The following PRR30 variants were observed in gnomAD, a reference collection of about 807,000 sequenced individuals.
The protein encoded by PRR30 is proline-rich protein 30.
For missense variants in PRR30, 546 were observed against 525.3 expected, an observed-to-expected ratio of 1.04 and a Z score of -0.39; for synonymous variants, 229 against 222.7, an observed-to-expected ratio of 1.03 and a Z score of -0.25.
chr2:27,137,764 G>A lies in PRR30; in HGVS notation c.566C>T (p.Pro189Leu). ...TGGCACGCATCTCTCCACCACTCCA[G>A]GGGACCCGGACCCAGTGTCCCTGTA... ...HQYRDTGSGSPGVVERCVPSE... is the reference protein window; with the variant it reads ...HQYRDTGSGSLGVVERCVPSE... The change falls in exon 3 of 3, where the codon CCT becomes CTT. Residue 189 changes from proline (P) to leucine (L), a missense_variant. Coordinates refer to ENST00000335524, the MANE Select transcript of PRR30 (RefSeq NM_178553.4). This position sits in a 1 kb window ranked among gnomAD's most constrained non-coding sequence, Gnocchi z 4.3. The A allele has an allele frequency of 6.2e-7, 1 of 1,613,652 alleles. No homozygotes were observed. The highest frequency in any genetic ancestry group is 1.3e-5 in the African/African-American group (1 of 75,052).
Position 27,137,188 on chromosome 2 carries a change from G to T in PRR30, c.1142C>A (p.Ala381Glu). ...CAGGGAGGTAGTGACCTGTTTTGGT[G>T]CCCGAGGTGGAGGCCCGGAGAAACA... ...PRCFSGPPPR[A>E]PKQVTTSLKP... The change falls in exon 3 of 3, where the codon GCA (alanine) becomes GAA (glutamate). Residue 381 changes from alanine (A) to glutamate (E), a missense_variant. Transcript: ENST00000335524. This position sits in a 1 kb window ranked among gnomAD's most constrained non-coding sequence, Gnocchi z 4.3. The T allele has an allele frequency of 1.2e-6, 2 of 1,614,216 alleles. No individual in the cohort carries two copies. The highest frequency in any genetic ancestry group is 1.7e-6 in the Non-Finnish European group (2 of 1,180,028).
At position 27,138,647 on chromosome 2, in the gene PRR30, G is replaced by A. The variant is rs1672557098; in HGVS notation, c.-318C>T. 2 of 344,722 alleles carry A rather than the reference G, an allele frequency of 5.8e-6. No individual in the cohort carries two copies. Among genetic ancestry groups the A allele is most frequent in the Non-Finnish European group, 5.5e-6 (1 of 181,902 alleles). 21.4% of individuals were successfully genotyped at this position (344,722 alleles called of 1,614,324 possible). ...GCTGCATCTTGGGAGTGGAGGGGCA[G>A]CAGCGATTATCTGGGTGGGGCAGAG... On this transcript the variant is annotated 5_prime_UTR_variant, in exon 3 of 3. Transcript: ENST00000335524.
rs1672539937 is a variant in PRR30, at chr2:27,137,686, A to G, written c.644T>C (p.Leu215Pro). Residue 215 changes from leucine to proline, a missense_variant, in exon 3 of 3, where the codon CTG becomes CCG. By Grantham distance (98) the Leu-to-Pro change is moderately conservative. Transcript: ENST00000335524. This position sits in a 1 kb window ranked among gnomAD's most constrained non-coding sequence, Gnocchi z 4.3. ...FRDPGALAQA[L>P]VVQLGHRRIA... ...GCGGCGGTGCCCCAGCTGGACCACC[A>G]GGGCCTGGGCCAGGGCCCCTGGGTC... 4 of 1,613,308 alleles carry G rather than the reference A, an allele frequency of 2.5e-6. No homozygotes were observed. Among genetic ancestry groups the G allele is most frequent in the Middle Eastern group, 3.3e-4 (2 of 6,062 alleles).
In PRR30 at chr2:27,138,218, G is replaced by C; in HGVS notation, c.112C>G (p.Leu38Val). Residue 38 changes from leucine to valine, a missense_variant, in exon 3 of 3, where the codon CTC becomes GTC. Leu to Val is a conservative substitution (Grantham distance 32, BLOSUM62 1). Coordinates refer to ENST00000335524, the MANE Select transcript of PRR30 (RefSeq NM_178553.4). ...VDSSPHNLQPLSPHQGLPPSQ... is the reference protein window; with the variant it reads ...VDSSPHNLQPVSPHQGLPPSQ... ...GGAGGGAGGCCCTGATGGGGAGAGA[G>C]AGGCTGTAGGTTGTGAGGAGAGGAG... 6.2e-7 allele frequency: 1 copy of C among 1,613,990 alleles called. No homozygotes were observed.
In PRR30 at chr2:27,136,981, T is replaced by C; in HGVS notation, c.*110A>G. 1 of 1,429,268 alleles carries C rather than the reference T, an allele frequency of 7.0e-7. No homozygotes were observed. The highest frequency in any genetic ancestry group is 9.3e-7 in the Non-Finnish European group (1 of 1,079,588). 88.5% of individuals were successfully genotyped at this position (1,429,268 alleles called of 1,614,324 possible). On this transcript the variant is annotated 3_prime_UTR_variant, in exon 3 of 3. Transcript: ENST00000335524. ...TCAGAGCAGGAGAACACACCTGACC[T>C]CCGGCCAGCCAGCCCTTCAGGGTGT...
In PRR30 at chr2:27,136,855, G is replaced by A; in HGVS notation, c.*236C>T. 2 of 610,432 alleles carry A rather than the reference G, an allele frequency of 3.3e-6. No individual in the cohort carries two copies. The highest frequency in any genetic ancestry group is 2.8e-5 in the East Asian group (1 of 36,294). 37.8% of individuals were successfully genotyped at this position (610,432 alleles called of 1,614,324 possible). A position where few individuals can be genotyped will look rare whatever the true frequency, so the allele number is the denominator to read the frequency against. ...GCAGGACGCAAACACAAGTTTCACAGGGTCAGACTTTATTAGATACACGGA... is the reference window on the plus strand; with the variant it reads ...GCAGGACGCAAACACAAGTTTCACAAGGTCAGACTTTATTAGATACACGGA... On this transcript the variant is annotated 3_prime_UTR_variant, in exon 3 of 3. Coordinates refer to ENST00000335524, the MANE Select transcript of PRR30 (RefSeq NM_178553.4).
In PRR30 at chr2:27,137,530, C is replaced by G. The variant is rs779113204; in HGVS notation, c.800G>C (p.Arg267Thr). 6.3e-7 allele frequency: 1 copy of G among 1,591,086 alleles called. No homozygotes were observed. The highest frequency in any genetic ancestry group is 1.3e-5 in the African/African-American group (1 of 74,506). The change falls in exon 3 of 3, where the codon AGG (arginine) becomes ACG (threonine). Residue 267 changes from arginine (R) to threonine (T), a missense_variant. By Grantham distance (71) the Arg-to-Thr change is moderately conservative. Coordinates refer to ENST00000335524, the MANE Select transcript of PRR30 (RefSeq NM_178553.4). This position sits in a 1 kb window ranked among gnomAD's most constrained non-coding sequence, Gnocchi z 4.3. ...AAGCAGCCGGGGTCCAGTCCTGTAC[C>G]TGGGGAGGGGGCAGGAGGGGCTGCG... ...RPRSPSCPLP[R>T]YRTGPRLLAF...
chr2:27,137,383 T>C lies in PRR30; in HGVS notation c.947A>G (p.Lys316Arg). ...CTGAGGCCCTGCTTCCTTCGGCCTT[T>C]TCTCGGGCAGCAGATGCAAGGCCCT... ...QARALHLLPE[K>R]RPKEAGPQGK... is the part of the protein sequence containing the mutation. The change falls in exon 3 of 3, where the codon AAA becomes AGA. Residue 316 changes from lysine to arginine, a missense_variant. Lys to Arg is a conservative substitution (Grantham distance 26). Transcript: ENST00000335524. The surrounding 1 kb of genome is among the most constrained non-coding windows in gnomAD (Gnocchi z 4.3). 1 of 1,613,970 alleles carries C rather than the reference T, an allele frequency of 6.2e-7. No homozygotes were observed. The highest frequency in any genetic ancestry group is 1.1e-5 in the South Asian group (1 of 91,076).
chr2:27,138,632 G>A lies in PRR30; in HGVS notation c.-303C>T. The A allele has an allele frequency of 2.7e-6, 1 of 369,542 alleles. No homozygotes were observed. The highest frequency in any genetic ancestry group is 5.0e-6 in the Non-Finnish European group (1 of 198,980). 22.9% of individuals were successfully genotyped at this position (369,542 alleles called of 1,614,324 possible). A position where few individuals can be genotyped will look rare whatever the true frequency, so the allele number is the denominator to read the frequency against. On this transcript the variant is annotated 5_prime_UTR_variant, in exon 3 of 3. Coordinates refer to ENST00000335524, the MANE Select transcript of PRR30 (RefSeq NM_178553.4). ...GGATGGAGAATCACAGCTGCATCTTGGGAGTGGAGGGGCAGCAGCGATTAT... is the reference window on the plus strand; with the variant it reads ...GGATGGAGAATCACAGCTGCATCTTAGGAGTGGAGGGGCAGCAGCGATTAT...
Position 27,138,047 on chromosome 2 carries a change from G to A in PRR30, c.283C>T (p.Pro95Ser). 6.2e-7 allele frequency: 1 copy of A among 1,613,998 alleles called. No individual in the cohort carries two copies. Among genetic ancestry groups the A allele is most frequent in the Non-Finnish European group, 8.5e-7 (1 of 1,180,004 alleles). The change falls in exon 3 of 3, where the codon CCT becomes TCT. Residue 95 changes from proline to serine, a missense_variant. Physicochemically the swap from Pro to Ser is moderately conservative, Grantham distance 74. Transcript: ENST00000335524. ...AGGTAGTTCTGGTGAAAGAAAGTAG[G>A]GGAACTTGGGAGAGAGGGAGAATAG... is the stretch of plus-strand genomic sequence containing the variant. The part of the protein sequence containing the change: ...HPYSPSLPSS[P>S]TFFHQNYLSL...
Position 27,136,947 on chromosome 2 carries a change from T to G in PRR30, c.*144A>C. The G allele has an allele frequency of 8.4e-7, 1 of 1,193,954 alleles. No homozygotes were observed. Among genetic ancestry groups the G allele is most frequent in the Non-Finnish European group, 1.1e-6 (1 of 877,776 alleles). 74.0% of individuals were successfully genotyped at this position (1,193,954 alleles called of 1,614,324 possible). A position where few individuals can be genotyped will look rare whatever the true frequency, so the allele number is the denominator to read the frequency against. ...GGAGACAGCAGACTCCACAAGGGGC[T>G]CCCAGGGTTCAGAGCAGGAGAACAC... is the stretch of plus-strand genomic sequence containing the variant. On this transcript the variant is annotated 3_prime_UTR_variant, in exon 3 of 3. Coordinates refer to ENST00000335524, the MANE Select transcript of PRR30 (RefSeq NM_178553.4).
rs935308761 is a variant in PRR30 at position 27,137,886 on chromosome 2, G to T, written c.444C>A (p.His148Gln). The T allele has an allele frequency of 1.3e-6, 2 of 1,599,854 alleles. No individual in the cohort carries two copies. The highest frequency in any genetic ancestry group is 2.2e-5 in the East Asian group (1 of 44,718). ...LPHSPCQSPS[H>Q]PEELHSSTLT... The stretch of plus-strand genomic sequence containing the variant: ...GTGTGGAGCTATGCAGTTCCTCGGG[G>T]TGGGAAGGGGACTGGCAAGGTGAGT... The change falls in exon 3 of 3, where the codon CAC becomes CAA. Residue 148 changes from histidine (H) to glutamine (Q), a missense_variant. By Grantham distance (24) the His-to-Gln change is conservative. Coordinates refer to ENST00000335524, the MANE Select transcript of PRR30 (RefSeq NM_178553.4). The surrounding 1 kb of genome is among the most constrained non-coding windows in gnomAD (Gnocchi z 4.3).
Position 27,136,980 on chromosome 2 carries a change from C to T in PRR30, c.*111G>A. The T allele has an allele frequency of 7.0e-7, 1 of 1,425,948 alleles. No individual in the cohort carries two copies. The highest frequency in any genetic ancestry group is 9.3e-7 in the Non-Finnish European group (1 of 1,076,866). The allele number at this position is 1,425,948 out of a possible 1,614,324, so 88.3% of individuals were successfully genotyped here. A position where few individuals can be genotyped will look rare whatever the true frequency, so the allele number is the denominator to read the frequency against. ...TTCAGAGCAGGAGAACACACCTGAC[C>T]TCCGGCCAGCCAGCCCTTCAGGGTG... On this transcript the variant is annotated 3_prime_UTR_variant, in exon 3 of 3. Coordinates refer to ENST00000335524, the MANE Select transcript of PRR30 (RefSeq NM_178553.4).
chr2:27,137,286 G>A lies in PRR30; in HGVS notation c.1044C>T (p.Asp348=). Residue 348 remains aspartate (D), a synonymous_variant, in exon 3 of 3, where the codon GAC becomes GAT. Transcript: ENST00000335524. The surrounding 1 kb of genome is among the most constrained non-coding windows in gnomAD (Gnocchi z 4.3). The part of the protein sequence containing the change: ...SQPPAAQARA[D]PVPGTPSQTR... ...TCTGGGAGGGTGTGCCTGGGACTGG[G>A]TCGGCCCGGGCCTGAGCTGCTGGAG... The A allele has an allele frequency of 6.2e-7, 1 of 1,614,222 alleles. No homozygotes were observed. The highest frequency in any genetic ancestry group is 1.1e-5 in the South Asian group (1 of 91,080).
chr2:27,136,984 G>C lies in PRR30; in HGVS notation c.*107C>G. The C allele has an allele frequency of 6.9e-7, 1 of 1,439,582 alleles. No homozygotes were observed. The highest frequency in any genetic ancestry group is 9.2e-7 in the Non-Finnish European group (1 of 1,087,412). The allele number at this position is 1,439,582 out of a possible 1,614,324, so 89.2% of individuals were successfully genotyped here. Reference sequence around the variant, plus strand: ...GAGCAGGAGAACACACCTGACCTCCGGCCAGCCAGCCCTTCAGGGTGTCTC... The same window carrying C: ...GAGCAGGAGAACACACCTGACCTCCCGCCAGCCAGCCCTTCAGGGTGTCTC... On this transcript the variant is annotated 3_prime_UTR_variant, in exon 3 of 3. Coordinates refer to ENST00000335524, the MANE Select transcript of PRR30 (RefSeq NM_178553.4).
At position 27,137,477 on chromosome 2, in the gene PRR30, G is replaced by T. The variant is rs370649888; in HGVS notation, c.853C>A (p.Gln285Lys). The T allele has an allele frequency of 3.9e-5, 63 of 1,609,002 alleles. No homozygotes were observed. The highest frequency in any genetic ancestry group is 5.3e-5 in the Non-Finnish European group (63 of 1,177,698). Reference sequence around the variant, plus strand: ...CGGAGTGGCCCAGATTCCTGGCCCTGCACACAGGGCAGTAGTTGAGGGAAA... The same window carrying T: ...CGGAGTGGCCCAGATTCCTGGCCCTTCACACAGGGCAGTAGTTGAGGGAAA... ...LAFPQLLPCV[Q>K]GQESGPLRIG... is the part of the protein sequence containing the mutation. The change falls in exon 3 of 3, where the codon CAG (glutamine) becomes AAG (lysine). Residue 285 changes from glutamine (Q) to lysine (K), a missense_variant. Transcript: ENST00000335524. This position sits in a 1 kb window ranked among gnomAD's most constrained non-coding sequence, Gnocchi z 4.3.
rs757267683 is a variant in PRR30, at chr2:27,137,906, G to A, written c.424C>T (p.Pro142Ser). 5.0e-6 allele frequency: 8 copies of A among 1,606,974 alleles called. No homozygotes were observed. Among genetic ancestry groups the A allele is most frequent in the Non-Finnish European group, 6.0e-6 (7 of 1,175,900 alleles). The change falls in exon 3 of 3, where the codon CCT becomes TCT. Residue 142 changes from proline to serine, a missense_variant. Pro to Ser is a moderately conservative substitution (Grantham distance 74, BLOSUM62 -1). Coordinates refer to ENST00000335524, the MANE Select transcript of PRR30 (RefSeq NM_178553.4). This position sits in a 1 kb window ranked among gnomAD's most constrained non-coding sequence, Gnocchi z 4.3. ...TCGGGGTGGGAAGGGGACTGGCAAG[G>A]TGAGTGGGGAAGGGAGGAGTTCTGA... ...QPQNSSLPHS[P>S]CQSPSHPEEL... is the part of the protein sequence containing the mutation.
At position 27,136,860 on chromosome 2, in the gene PRR30, A is replaced by C; in HGVS notation, c.*231T>G. ...ACGCAAACACAAGTTTCACAGGGTC[A>C]GACTTTATTAGATACACGGAGGGCT... On this transcript the variant is annotated 3_prime_UTR_variant, in exon 3 of 3. Coordinates refer to ENST00000335524, the MANE Select transcript of PRR30 (RefSeq NM_178553.4). 3 of 617,646 alleles carry C rather than the reference A, an allele frequency of 4.9e-6. No individual in the cohort carries two copies. Among genetic ancestry groups the C allele is most frequent in the Non-Finnish European group, 5.6e-6 (2 of 358,442 alleles). 38.3% of individuals were successfully genotyped at this position (617,646 alleles called of 1,614,324 possible). A position where few individuals can be genotyped will look rare whatever the true frequency, so the allele number is the denominator to read the frequency against.
chr2:27,138,384 A>C lies in PRR30; in HGVS notation c.-55T>G. 1 of 1,536,100 alleles carries C rather than the reference A, an allele frequency of 6.5e-7. No individual in the cohort carries two copies. The highest frequency in any genetic ancestry group is 2.3e-5 in the East Asian group (1 of 44,208). On this transcript the variant is annotated 5_prime_UTR_variant, in exon 3 of 3. Coordinates refer to ENST00000335524, the MANE Select transcript of PRR30 (RefSeq NM_178553.4). The stretch of plus-strand genomic sequence containing the variant: ...CAAGACTAGGGATAAGAGACCTGGC[A>C]GAGTCAGGACCAGTATCTCTGAGGT...
Sources: allele counts gnomAD v4.1 joint callset, GRCh38; gene constraint gnomAD v4.1.1; non-coding constraint Gnocchi (gnomAD v3.1); transcripts MANE v1.5; gene names NCBI Gene and HGNC (gene_info 2026-07-23, HGNC 2026-07-21).